Variants in SLC44A2 observed in about 807,000 individuals in gnomAD.
The protein encoded by SLC44A2 is solute carrier family 44 member 2 (CTL2 blood group).
A neutral mutation model predicts 90.8 loss-of-function variants in SLC44A2; 57 were observed. The ratio of observed to expected loss-of-function variants is 0.63; its 90% confidence interval spans 0.51 to 0.78. The LOEUF (loss-of-function observed/expected upper bound fraction) is 0.78. SLC44A2 is among the 30% of genes least tolerant of loss of function. The probability of loss-of-function intolerance (pLI) is 0.00; values close to 1 mark genes in which losing one functional copy is unlikely to be tolerated. For synonymous variants in SLC44A2, 355 were observed against 360.7 expected (o/e 0.98, Z 0.18); for missense variants, 794 against 919.7 (o/e 0.86, Z 1.77).
chr19:10,639,752 G>A (rs933475452), intron 20 of SLC44A2, among the ~76,000 whole-genome samples: 5 of 152,050 alleles, frequency 3.3e-5, no homozygotes, highest in African/African-American at 1.2e-4. Context: ...GTGGTTGTGG[G>A]CACCTGTAAT....
chr19:10,640,697 G>C (rs2067106037), intron 20 of SLC44A2, among the ~76,000 whole-genome samples: 1 of 152,192 alleles, frequency 6.6e-6, no homozygotes, highest in Non-Finnish European at 1.5e-5. Context: ...GGTCTAGTGA[G>C]GATGTGAGCA....
intron 1 of SLC44A2, among the ~76,000 whole-genome samples, chr19:10,615,828 T>TC (rs2066850783): frequency 6.6e-6 from 1 of 151,910 alleles, no homozygotes; most frequent in African/African-American, 2.4e-5. Context: ...CCTCAGTTGA[T>TC]CTGTCTGTCA....
In SLC44A2 at chr19:10,625,580, C is replaced by CGAGGGGGCGCGG. The variant is rs1046737501; in HGVS notation, c.-50_-39dup. The CGAGGGGGCGCGG allele has an allele frequency of 1.8e-5, 22 of 1,235,856 alleles. No individual in the cohort carries two copies. The highest frequency in any genetic ancestry group is 2.2e-5 in the Non-Finnish European group (22 of 987,694). The allele number at this position is 1,235,856 out of a possible 1,614,324, so 76.6% of individuals were successfully genotyped here. A position where few individuals can be genotyped will look rare whatever the true frequency, so the allele number is the denominator to read the frequency against. ...TGCCTCCCTCCAGACTCGGGAGGGT[C>CGAGGGGGCGCGG]GAGGGGGCGCGGGAGAGAGCGCGGG... On this transcript the variant is annotated 5_prime_UTR_variant, in exon 1 of 22. Coordinates refer to ENST00000335757, the MANE Select transcript of SLC44A2 (RefSeq NM_020428.4).
upstream of SLC44A2, chr19:10,625,478 C>T: frequency 8.2e-7 from 1 of 1,218,998 alleles, no homozygotes; most frequent in Non-Finnish European, 1.0e-6. Context: ...AGCTGCCCAG[C>T]TCGGGCCGGT....
chr19:10,621,436 T>G (rs1264742130), upstream of SLC44A2, among the ~76,000 whole-genome samples: 1 of 143,404 alleles, frequency 7.0e-6, no homozygotes, highest in Admixed American at 6.9e-5. Context: ...TTTTTTTTTT[T>G]TTTTTGGTTT....
chr19:10,643,112 C>T (rs1383235374), intron 21 of SLC44A2, 167 bp from the exon 22 acceptor site: 19 of 1,450,040 alleles, frequency 1.3e-5, no homozygotes, highest in Non-Finnish European at 1.6e-5. Flanking sequence ...GTGTGGGGAT[C>T]CTGTGTGTCC....
chr19:10,630,996 ACT>A (rs1905911389), intron 4 of SLC44A2, 59 bp from the exon 5 acceptor site: 8 of 1,289,048 alleles, frequency 6.2e-6, no homozygotes, highest in South Asian at 4.9e-5. Flanking sequence ...CAAGAGCGAG[ACT>A]CTGTCTCAAA....
At chr19:10,632,956 G>A (rs1283694882) in intron 10 of SLC44A2, among the ~76,000 whole-genome samples, 1 of 151,998 alleles carries the variant, frequency 6.6e-6, no homozygotes, top group Non-Finnish European at 1.5e-5. Context: ...ACAGGCAGGA[G>A]CCACCGCGCC....
chr19:10,643,010 G>C (rs746709079), intron 21 of SLC44A2: 10 of 1,557,014 alleles, frequency 6.4e-6, no homozygotes, highest in African/African-American at 2.7e-5. Context: ...GGCAGAAGCC[G>C]AGGAGTAGAG....
chr19:10,608,198 G>A (rs1397595296), intron 1 of SLC44A2, among the ~76,000 whole-genome samples: 1 of 151,048 alleles, frequency 6.6e-6, no homozygotes, highest in Non-Finnish European at 1.5e-5. Flanking sequence ...ACTCCAGCCT[G>A]GGCAACAGAG....
chr19:10,607,039 G>C (rs1244059819), intron 1 of SLC44A2, among the ~76,000 whole-genome samples: 4 of 150,300 alleles, frequency 2.7e-5, no homozygotes, highest in Non-Finnish European at 5.9e-5. Flanking sequence ...AGCCTCCCGA[G>C]TAGCTGGGAC....
intron 1 of SLC44A2, among the ~76,000 whole-genome samples, chr19:10,602,753 G>A (rs1917997164): frequency 6.6e-6 from 1 of 152,128 alleles, no homozygotes; most frequent in African/African-American, 2.4e-5. Context: ...TCCCCTCCCC[G>A]GGAGCCCCAG....
chr19:10,619,249 C>T (rs928932095), intron 1 of SLC44A2, among the ~76,000 whole-genome samples: 4 of 151,136 alleles, frequency 2.6e-5, no homozygotes, highest in Non-Finnish European at 4.4e-5. Flanking sequence ...GGCAACATGG[C>T]AAAGCCCAGT....
intron 1 of SLC44A2, among the ~76,000 whole-genome samples, chr19:10,604,697 G>A (rs572431043): frequency 6.6e-5 from 10 of 152,222 alleles, no homozygotes; most frequent in South Asian, 6.2e-4. Context: ...TATAGGACTC[G>A]GTGGACCACA....
rs1257740947 is a variant in SLC44A2 at position 10,643,286 on chromosome 19, C to T, written c.2022C>T (p.Asp674=). Reference sequence around the variant, plus strand: ...TGGGACCTCTCTCCACAGTGGAGGACCTGGAGAGGAATGACGGCTCGGCCG... The same window carrying T: ...TGGGACCTCTCTCCACAGTGGAGGATCTGGAGAGGAATGACGGCTCGGCCG... ...VDTLFLCFLE[D]LERNDGSAER... Residue 674 remains aspartate, a synonymous_variant, in exon 22 of 22, where the codon GAC becomes GAT. Coordinates refer to ENST00000335757, the MANE Select transcript of SLC44A2 (RefSeq NM_020428.4). 1 of 1,611,042 alleles carries T rather than the reference C, an allele frequency of 6.2e-7. No individual in the cohort carries two copies. The highest frequency in any genetic ancestry group is 1.7e-4 in the Middle Eastern group (1 of 6,054).
intron 1 of SLC44A2, among the ~76,000 whole-genome samples, chr19:10,615,626 A>G (rs76215286): frequency 0.032 from 4,771 of 147,888 alleles, 97 homozygotes; most frequent in Non-Finnish European, 0.047. Flanking sequence ...GAAGAGGAAG[A>G]GGAAGGGGAG....
At chr19:10,618,033 C>A (rs1599234634) in intron 1 of SLC44A2, among the ~76,000 whole-genome samples, 1 of 151,946 alleles carries the variant, frequency 6.6e-6, no homozygotes, top group East Asian at 1.9e-4. Context: ...TAGACAGTTT[C>A]ACTCTTCTCA....
chr19:10,642,916 T>C (rs1170173399), intron 21 of SLC44A2: 2 of 1,593,950 alleles, frequency 1.3e-6, no homozygotes, highest in East Asian at 2.2e-5. Flanking sequence ...TGGAAAGGAA[T>C]GACGGCTCTC....
At chr19:10,619,377 G>A (rs1025133607) in intron 1 of SLC44A2, among the ~76,000 whole-genome samples, 9 of 147,876 alleles carry the variant, frequency 6.1e-5, no homozygotes, top group African/African-American at 2.0e-4. Context: ...GCAGTGAGCC[G>A]AGATCATGAC....
Sources: gnomAD v4.1 joint callset for allele counts (sites outside exome capture counted in the v4.1 genomes callset) on GRCh38, gnomAD v4.1.1 for gene constraint, MANE v1.5 for transcripts, NCBI Gene and HGNC (gene_info 2026-07-23, HGNC 2026-07-21) for gene names.